The following CSMD1 variants were observed in gnomAD, a reference collection of about 807,000 sequenced individuals.
CSMD1 encodes CUB and sushi domain-containing protein 1.
A neutral mutation model predicts 417.5 loss-of-function variants in CSMD1; 213 were observed. The observed-to-expected ratio is 0.51, with a 90% CI of 0.46 to 0.57. The LOEUF (loss-of-function observed/expected upper bound fraction) is 0.57, where lower values mean the gene tolerates loss of function less well. CSMD1 is among the 20% of genes least tolerant of loss of function. The pLI, the probability that CSMD1 is intolerant of heterozygous loss-of-function variation, is 0.00. For missense variants in CSMD1, 6,923 were observed against 4,529.7 expected (o/e 1.53, Z -15.17); for synonymous variants, 2,862 against 1,736.8 (o/e 1.65, Z -16.11).
At chr8:4,222,923 A>T (rs941987617) in intron 3 of CSMD1, among the ~76,000 whole-genome samples, 12 of 152,180 alleles carry the variant, frequency 7.9e-5, no homozygotes, top group African/African-American at 2.9e-4. Context: ...AAGCGTTTAT[A>T]ATCCAAGTCC....
chr8:3,879,545 A>T (rs1806064760), intron 5 of CSMD1, among the ~76,000 whole-genome samples: 2 of 152,176 alleles, frequency 1.3e-5, no homozygotes, highest in African/African-American at 4.8e-5. Context: ...GCTACAGTCT[A>T]CTTTGTCATT....
Position 3,574,960 on chromosome 8 carries a change from G to A in CSMD1, c.1329C>T (p.Thr443=). ...GGAGCCTTACCTTGTCCGGGTCGGT[G>A]GTGGTGATGACCCACACACAGTGTG... The part of the protein sequence containing the change: ...DNAHCVWVIT[T]TDPDKVIKLA... The change falls in exon 10 of 70, where the codon ACC becomes ACT. Residue 443 remains threonine (T), a synonymous_variant. Transcript: ENST00000635120. 6.2e-7 allele frequency: 1 copy of A among 1,612,418 alleles called. No homozygotes were observed. Among genetic ancestry groups the A allele is most frequent in the South Asian group, 1.1e-5 (1 of 90,982 alleles).
rs768264857 is a variant in CSMD1, at chr8:4,964,501, C to CAAAA, written c.85+29830_85+29831insTTTT. ...ATCACAACACAGCAAGACCCTGTCT[C>CAAAA]CAAAAAAAAAAAAAAAAAAAAAAAG... is the stretch of plus-strand genomic sequence containing the variant. On this transcript the variant is annotated intron_variant, in intron 1 of 69. Transcript: ENST00000635120. Among the ~76,000 whole-genome samples the CAAAA allele has an allele frequency of 9.0e-3, 729 of 80,684 alleles. 80 individuals carry two copies. Among genetic ancestry groups the CAAAA allele is most frequent in the African/African-American group, 0.018 (324 of 18,080 alleles). 52.9% of individuals were successfully genotyped at this position (80,684 alleles called of 152,430 possible).
At chr8:3,818,843 A>C (rs982135038) in intron 5 of CSMD1, among the ~76,000 whole-genome samples, 10 of 152,132 alleles carry the variant, frequency 6.6e-5, no homozygotes, top group Non-Finnish European at 1.2e-4. Context: ...GAATGACAAG[A>C]TCCCTTGCAT....
intron 7 of CSMD1, among the ~76,000 whole-genome samples, chr8:3,707,203 T>A (rs1801220180): frequency 6.6e-6 from 1 of 152,196 alleles, no homozygotes; most frequent in African/African-American, 2.4e-5. Flanking sequence ...ATCTATAGTA[T>A]CGTTGTCAAA....
chr8:4,085,380 T>C (rs1036659037), intron 3 of CSMD1, among the ~76,000 whole-genome samples: 87 of 152,336 alleles, frequency 5.7e-4, no homozygotes, highest in Admixed American at 2.0e-4. Flanking sequence ...AGAAGCTATA[T>C]TGGAGAAGCT....
At chr8:3,507,622 C>G (rs948851809) in intron 10 of CSMD1, among the ~76,000 whole-genome samples, 1 of 152,202 alleles carries the variant, frequency 6.6e-6, no homozygotes, top group South Asian at 2.1e-4. Flanking sequence ...TTCCCACCAA[C>G]AGTGTAAAAG....
intron 2 of CSMD1, among the ~76,000 whole-genome samples, chr8:4,553,277 C>T (rs1797949507): frequency 6.6e-6 from 1 of 152,176 alleles, no homozygotes; most frequent in Non-Finnish European, 1.5e-5. Context: ...TTCCACTTCA[C>T]TCCAAAGACT....
chr8:3,331,061 AC>A (rs763452588), intron 23 of CSMD1, among the ~76,000 whole-genome samples: 25 of 151,934 alleles, frequency 1.6e-4, no homozygotes, highest in Admixed American at 9.2e-4. Context: ...CCACAGTGAA[AC>A]CCCATCTCTA....
intron 3 of CSMD1, among the ~76,000 whole-genome samples, chr8:4,043,533 A>C (rs1404532179): frequency 1.3e-5 from 2 of 152,220 alleles, no homozygotes; most frequent in African/African-American, 4.8e-5. Flanking sequence ...CAGTAAAATA[A>C]TGAGAAAAGA....
intron 25 of CSMD1, among the ~76,000 whole-genome samples, chr8:3,292,071 C>T (rs527531828): frequency 1.8e-4 from 27 of 152,234 alleles, no homozygotes; most frequent in African/African-American, 6.3e-4. Flanking sequence ...TTTCTGCCTT[C>T]ATTTCATTAT....
rs180866601 is a variant in CSMD1, at chr8:4,800,498, G to A, written c.86-162940C>T. Among the ~76,000 whole-genome samples the A allele has an allele frequency of 1.9e-3, 285 of 152,146 alleles. 1 individual carries two copies. The highest frequency in any genetic ancestry group is 0.014 in the Middle Eastern group (4 of 292). On this transcript the variant is annotated intron_variant, in intron 1 of 69. Transcript: ENST00000635120. ...CACCTTTGTCTTAGGTTTAATTCCT[G>A]GGAAATCAATGCTGACACAAGTATT...
chr8:3,796,074 G>T (rs1255638934), intron 5 of CSMD1, among the ~76,000 whole-genome samples: 2 of 37,456 alleles, frequency 5.3e-5, no homozygotes, highest in East Asian at 6.0e-4. Context: ...ATCTATCATA[G>T]ATATAGATAT....
chr8:4,173,872 G>C (rs1485159840), intron 3 of CSMD1, among the ~76,000 whole-genome samples: 1 of 152,142 alleles, frequency 6.6e-6, no homozygotes, highest in Non-Finnish European at 1.5e-5. Context: ...TTCTCTCCGG[G>C]TTTGAAGTGG....
rs75681747 is a variant in CSMD1 at position 4,098,921 on chromosome 8, C to G, written c.416-66822G>C. On this transcript the variant is annotated intron_variant, in intron 3 of 69. Coordinates refer to ENST00000635120, the MANE Select transcript of CSMD1 (RefSeq NM_033225.6). Reference sequence around the variant, plus strand: ...TGTGGGTTAGAACCAGTATTAGAGACTGGGGTACAACACAGAAAAAATGTT... The same window carrying G: ...TGTGGGTTAGAACCAGTATTAGAGAGTGGGGTACAACACAGAAAAAATGTT... Among the ~76,000 whole-genome samples the G allele has an allele frequency of 1.9e-3, 284 of 152,238 alleles. 5 individuals carry two copies. The East Asian group carries it at 0.02, about 10-fold the overall frequency.
At chr8:3,590,552 T>C (rs933662410) in intron 8 of CSMD1, among the ~76,000 whole-genome samples, 1 of 152,196 alleles carries the variant, frequency 6.6e-6, no homozygotes, top group Non-Finnish European at 1.5e-5. Flanking sequence ...CACATTCATA[T>C]TCAGTACATT....
In CSMD1 at chr8:4,252,167, A is replaced by C. The variant is rs569585968; in HGVS notation, c.415+167786T>G. Among the ~76,000 whole-genome samples the C allele has an allele frequency of 2.0e-5, 3 of 152,164 alleles. No individual in the cohort carries two copies. The South Asian group carries it at 6.2e-4, about 32-fold the overall frequency. ...GTTCTGTTCTTTCAGGATATATAGA[A>C]AGCTGGGGTGGGGAGATGGATAAAA... On this transcript the variant is annotated intron_variant, in intron 3 of 69. Coordinates refer to ENST00000635120, the MANE Select transcript of CSMD1 (RefSeq NM_033225.6).
intron 5 of CSMD1, among the ~76,000 whole-genome samples, chr8:3,983,724 T>C (rs1456485467): frequency 6.6e-6 from 1 of 152,236 alleles, no homozygotes; most frequent in Non-Finnish European, 1.5e-5. Flanking sequence ...CTAAGTATGG[T>C]TAGATGTTCC....
chr8:4,466,163 C>A (rs945444679), intron 2 of CSMD1, among the ~76,000 whole-genome samples: 2 of 152,070 alleles, frequency 1.3e-5, no homozygotes, highest in African/African-American at 4.8e-5. Flanking sequence ...GAGTCTTACT[C>A]CGTGGTCTTA....
Sources: gnomAD v4.1 joint callset for allele counts (sites outside exome capture counted in the v4.1 genomes callset) on GRCh38, gnomAD v4.1.1 for gene constraint, MANE v1.5 for transcripts, NCBI Gene and HGNC (gene_info 2026-07-23, HGNC 2026-07-21) for gene names.